The following SMYD1 variants were observed in gnomAD, a reference collection of about 807,000 sequenced individuals.
SMYD1 encodes SET and MYND domain containing 1.
Under a neutral mutation model 54.0 loss-of-function variants are expected in SMYD1, and 49 were observed. That is an observed-to-expected ratio of 0.91 (90% CI 0.72 to 1.15). The LOEUF is 1.15. Among genes scored for constraint, SMYD1 ranks in the 50% most tolerant of loss-of-function variants. The pLI is 0.00. For missense variants in SMYD1, 653 were observed against 639.6 expected (o/e 1.02, Z -0.23); for synonymous variants, 269 against 234.2 (o/e 1.15, Z -1.36).
At chr2:88,100,294 T>G (rs1674693945) in intron 6 of SMYD1, among the ~76,000 whole-genome samples, 1 of 152,120 alleles carries the variant, frequency 6.6e-6, no homozygotes, top group African/African-American at 2.4e-5. Context: ...GTAAGTTGCC[T>G]CTTTAAAAAA....
rs1675008197 is a variant in SMYD1, at chr2:88,110,966, C to T, written c.*454C>T. The T allele has an allele frequency of 6.4e-6, 1 of 155,634 alleles. No individual in the cohort carries two copies. The highest frequency in any genetic ancestry group is 1.4e-5 in the Non-Finnish European group (1 of 70,488). The allele number at this position is 155,634 out of a possible 1,614,324, so 9.6% of individuals were successfully genotyped here. A position where few individuals can be genotyped will look rare whatever the true frequency, so the allele number is the denominator to read the frequency against. On this transcript the variant is annotated 3_prime_UTR_variant, in exon 10 of 10. Transcript: ENST00000419482. ...GTTGAGGGTAGCAGGTGCCTGGAGT[C>T]TCAGGTGGCTGCTCACCCATCTGTG...
chr2:88,100,601 C>T (rs35157507), intron 6 of SMYD1, among the ~76,000 whole-genome samples: 16,184 of 152,200 alleles, frequency 0.11, 1,073 homozygotes, highest in East Asian at 0.18. Flanking sequence ...CCACCAGTCA[C>T]AGAACTCTGC....
At chr2:88,077,525 GT>G (rs908371981) in intron 1 of SMYD1, among the ~76,000 whole-genome samples, 1 of 152,220 alleles carries the variant, frequency 6.6e-6, no homozygotes, top group African/African-American at 2.4e-5. Context: ...AAAGTGCTGT[GT>G]AAGTGGGAGT....
intron 1 of SMYD1, among the ~76,000 whole-genome samples, chr2:88,068,717 TTAAATC>T (rs754866041): frequency 1.1e-4 from 17 of 152,092 alleles, no homozygotes; most frequent in Non-Finnish European, 2.4e-4. Context: ...TGCAGGAACT[TTAAATC>T]TATAGATACT....
At chr2:88,110,091 A>G (rs1475881911) in intron 9 of SMYD1, among the ~76,000 whole-genome samples, 1 of 152,144 alleles carries the variant, frequency 6.6e-6, no homozygotes, top group African/African-American at 2.4e-5. Flanking sequence ...GTTCCTGGGA[A>G]CAAGCATTCT....
chr2:88,090,338 T>C (rs1027400838), intron 3 of SMYD1, among the ~76,000 whole-genome samples: 2 of 152,246 alleles, frequency 1.3e-5, no homozygotes, highest in African/African-American at 4.8e-5. Context: ...ATATTTATTC[T>C]TATGTATTTT....
chr2:88,092,376 AG>A (rs1223351226), intron 4 of SMYD1, among the ~76,000 whole-genome samples: 3 of 152,184 alleles, frequency 2.0e-5, no homozygotes, highest in Admixed American at 6.5e-5. Flanking sequence ...GGGGAAATGT[AG>A]GGGAATGAGG....
In SMYD1 at chr2:88,087,898, A is replaced by C; in HGVS notation, c.351A>C (p.Glu117Asp). The C allele has an allele frequency of 6.2e-7, 1 of 1,604,528 alleles. No homozygotes were observed. The highest frequency in any genetic ancestry group is 1.8e-4 in the Middle Eastern group (1 of 5,608). ...GCATCATGTGGCGGGTGGAGAGAGA[A>C]GGCACCGGGCTCACGGAGGGCTGCC... Reference protein sequence around the residue: ...AARIMWRVEREGTGLTEGCLV... With the variant: ...AARIMWRVERDGTGLTEGCLV... The change falls in exon 3 of 10, where the codon GAA becomes GAC. Residue 117 changes from glutamate to aspartate, a missense_variant. Transcript: ENST00000419482.
At chr2:88,108,870 G>A (rs1052293600) in intron 9 of SMYD1, among the ~76,000 whole-genome samples, 1 of 152,198 alleles carries the variant, frequency 6.6e-6, no homozygotes, top group Admixed American at 6.5e-5. Context: ...GAGCCAGTGT[G>A]TCACCTGATG....
chr2:88,107,813 G>A (rs1478305863), intron 8 of SMYD1, among the ~76,000 whole-genome samples: 2 of 152,208 alleles, frequency 1.3e-5, no homozygotes, highest in African/African-American at 2.4e-5. Context: ...TAGGGTGGGA[G>A]TGACCCAATT....
At chr2:88,083,967 G>A (rs568165659) in intron 1 of SMYD1, among the ~76,000 whole-genome samples, 46 of 152,312 alleles carry the variant, frequency 3.0e-4, no homozygotes, top group African/African-American at 1.1e-3. Flanking sequence ...GGTGGCACAT[G>A]CCTGTAATCC....
chr2:88,069,203 G>C (rs1393533630), intron 1 of SMYD1, among the ~76,000 whole-genome samples: 1 of 152,190 alleles, frequency 6.6e-6, no homozygotes, highest in South Asian at 2.1e-4. Context: ...TATGTGGTTT[G>C]AGTCTGATAA....
At chr2:88,088,952 G>C (rs1410950649) in intron 3 of SMYD1, among the ~76,000 whole-genome samples, 1 of 152,160 alleles carries the variant, frequency 6.6e-6, no homozygotes, top group Non-Finnish European at 1.5e-5. Context: ...ACCTTTATGT[G>C]GTGAAGGTGA....
chr2:88,106,687 G>A (rs1440840437), intron 8 of SMYD1, among the ~76,000 whole-genome samples, 199 bp downstream of exon 8: 2 of 152,098 alleles, frequency 1.3e-5, no homozygotes, highest in East Asian at 1.9e-4. Context: ...TTGTGCTTGA[G>A]ATGAAACCTA....
intron 6 of SMYD1, among the ~76,000 whole-genome samples, chr2:88,098,666 G>A (rs551460883): frequency 6.6e-6 from 1 of 152,218 alleles, no homozygotes; most frequent in South Asian, 2.1e-4. Flanking sequence ...AGAATTATGA[G>A]GCCTGTGTAC....
rs533225775 is a variant in SMYD1 at position 88,067,984 on chromosome 2, C to G, written c.120C>G (p.Ser40=). 6.2e-7 allele frequency: 1 copy of G among 1,613,434 alleles called. No homozygotes were observed. Among genetic ancestry groups the G allele is most frequent in the African/African-American group, 1.3e-5 (1 of 74,884 alleles). The change falls in exon 1 of 10, where the codon TCC becomes TCG. Residue 40 remains serine (S), a synonymous_variant. Coordinates refer to ENST00000419482, the MANE Select transcript of SMYD1 (RefSeq NM_198274.4). ...TCATCTTTGCTGAGCGGGCTTATTC[C>G]GCAGTGGTTTTTGACAGGTATGAAA... ...ADIIFAERAY[S]AVVFDSLVNF... is the part of the protein sequence containing the mutation.
chr2:88,102,947 A>G lies in SMYD1; in HGVS notation c.889-111A>G. 3 of 758,840 alleles carry G rather than the reference A, an allele frequency of 4.0e-6. No individual in the cohort carries two copies. In the South Asian group the frequency reaches 4.8e-5, roughly 12 times the overall value. 47.0% of individuals were successfully genotyped at this position (758,840 alleles called of 1,614,324 possible). On this transcript the variant is annotated intron_variant, in intron 6 of 9. Transcript: ENST00000419482. ...TTACAGGAATGAGGCATTCAGAATG[A>G]GGAAGACATTAACCTTGTGCTACAT...
In SMYD1 at chr2:88,108,510, C is replaced by T. The variant is rs749800448; in HGVS notation, c.1285C>T (p.Pro429Ser). ...AYAILLVTHG[P>S]SHPITKDLEA... is the part of the protein sequence containing the mutation. The stretch of plus-strand genomic sequence containing the variant: ...TGCCATTCTCCTGGTGACACACGGA[C>T]CCTCCCACCCCATCACTAAGGACTT... The change falls in exon 9 of 10, where the codon CCC (proline) becomes TCC (serine). Residue 429 changes from proline to serine, a missense_variant. Pro to Ser is a moderately conservative substitution (Grantham distance 74, BLOSUM62 -1). Transcript: ENST00000419482. 7 of 1,603,064 alleles carry T rather than the reference C, an allele frequency of 4.4e-6. No homozygotes were observed. The highest frequency in any genetic ancestry group is 5.1e-6 in the Non-Finnish European group (6 of 1,175,056).
intron 1 of SMYD1, among the ~76,000 whole-genome samples, chr2:88,080,540 C>CA (rs1202522816): frequency 6.6e-6 from 1 of 152,138 alleles, no homozygotes; most frequent in African/African-American, 2.4e-5. Flanking sequence ...TTACAAGTGG[C>CA]AGGTTACAAG....
Sources: gnomAD v4.1 joint callset for allele counts (sites outside exome capture counted in the v4.1 genomes callset) on GRCh38, gnomAD v4.1.1 for gene constraint, MANE v1.5 for transcripts, NCBI Gene and HGNC (gene_info 2026-07-23, HGNC 2026-07-21) for gene names.